The following RNF157 variants were observed in gnomAD, a reference collection of about 807,000 sequenced individuals.
RNF157 encodes the protein ring finger protein 157, also known as E3 ubiquitin ligase RNF157.
In RNF157, 55 loss-of-function variants were observed where a neutral mutation model predicts 88.3. The ratio of observed to expected loss-of-function variants is 0.62; its 90% CI spans 0.50 to 0.78. The LOEUF (loss-of-function observed/expected upper bound fraction) is 0.78. RNF157 is among the 30% of genes least tolerant of loss of function. RNF157 has a pLI of 0.00. For synonymous variants in RNF157, 334 were observed against 341.2 expected (o/e 0.98, Z 0.23); for missense variants, 788 against 860.8 (o/e 0.92, Z 1.06).
In RNF157 at chr17:76,158,230, A is replaced by C. The variant is rs113777862; in HGVS notation, c.1413+163T>G. ...CTGGCAAATAATACAGGCTGCATACACTGTTGAATGCATGAATCCAGTGAA... is the reference window on the plus strand; with the variant it reads ...CTGGCAAATAATACAGGCTGCATACCCTGTTGAATGCATGAATCCAGTGAA... On this transcript the variant is annotated intron_variant, in intron 13 of 18. Transcript: ENST00000269391. Among the ~76,000 whole-genome samples the C allele has an allele frequency of 7.3e-3, 1,106 of 152,254 alleles. 14 individuals carry two copies. Among genetic ancestry groups the C allele is most frequent in the African/African-American group, 0.025 (1,052 of 41,532 alleles).
intron 2 of RNF157, among the ~76,000 whole-genome samples, chr17:76,204,519 T>C (rs2069644053): frequency 6.6e-6 from 1 of 152,238 alleles, no homozygotes; most frequent in South Asian, 2.1e-4. Flanking sequence ...ATGTGACTCA[T>C]AAATACTTGT....
intron 1 of RNF157, among the ~76,000 whole-genome samples, chr17:76,238,061 G>A (rs934390108): frequency 4.0e-5 from 6 of 151,064 alleles, no homozygotes; most frequent in African/African-American, 1.5e-4. Context: ...TCCAGCCTGG[G>A]CGTGACAGAG....
At chr17:76,155,205 TC>T in intron 16 of RNF157, 46 bp downstream of exon 16, 1 of 1,561,408 alleles carries the variant, frequency 6.4e-7, no homozygotes, top group Middle Eastern at 1.7e-4. Context: ...AGGCCAGCAC[TC>T]CTCTGGTTGT....
At chr17:76,196,609 G>A (rs186440872) in intron 2 of RNF157, among the ~76,000 whole-genome samples, 3 of 152,300 alleles carry the variant, frequency 2.0e-5, no homozygotes, top group East Asian at 1.9e-4. Context: ...AAGGGCCGAA[G>A]TATGTACGGG....
At chr17:76,217,701 G>A (rs547992407) in intron 1 of RNF157, among the ~76,000 whole-genome samples, 24 of 152,244 alleles carry the variant, frequency 1.6e-4, no homozygotes, top group African/African-American at 2.4e-4. Flanking sequence ...GGAGAAACAC[G>A]TCACTCACAG....
chr17:76,147,234 G>A (rs2068598836), intron 18 of RNF157: 4 of 983,392 alleles, frequency 4.1e-6, no homozygotes, highest in African/African-American at 1.8e-5. Flanking sequence ...AAAATGAGCT[G>A]TTTGTTCATT....
chr17:76,167,908 G>A (rs897119359), intron 3 of RNF157, 111 bp from the exon 4 acceptor site: 2 of 1,019,024 alleles, frequency 2.0e-6, no homozygotes, highest in Admixed American at 2.3e-5. Flanking sequence ...CATAAGCATA[G>A]GTCTACCTCT....
chr17:76,159,329 ACT>A lies in RNF157; in HGVS notation c.1304+4_1304+5del. 6.2e-7 allele frequency: 1 copy of A among 1,604,582 alleles called. No homozygotes were observed. The highest frequency in any genetic ancestry group is 8.5e-7 in the Non-Finnish European group (1 of 1,171,676). ...GGGGCAACAGTGTGGAGCACTGGCT[ACT>A]CACTTGGAGAGACTCTTTTTGAGTT... On this transcript the variant is annotated splice_donor_5th_base_variant and intron_variant, in intron 12 of 18. Coordinates refer to ENST00000269391, the MANE Select transcript of RNF157 (RefSeq NM_052916.3).
At chr17:76,165,370 C>G in intron 7 of RNF157, 132 bp downstream of exon 7, 1 of 859,854 alleles carries the variant, frequency 1.2e-6, no homozygotes, top group South Asian at 1.5e-5. Flanking sequence ...TCACTGCAAC[C>G]TCTTTCACCA....
chr17:76,217,495 G>A (rs901616126), intron 1 of RNF157, among the ~76,000 whole-genome samples: 13 of 151,830 alleles, frequency 8.6e-5, no homozygotes, highest in Non-Finnish European at 1.9e-4. Context: ...CTTTCTAGAG[G>A]GACAAATTGG....
chr17:76,211,320 C>T (rs1421899433), intron 2 of RNF157, among the ~76,000 whole-genome samples: 1 of 152,254 alleles, frequency 6.6e-6, no homozygotes, highest in East Asian at 1.9e-4. Context: ...CTTCAAAGGC[C>T]AGTTCAACTC....
intron 3 of RNF157, among the ~76,000 whole-genome samples, chr17:76,172,158 C>G (rs1213833414): frequency 6.6e-6 from 1 of 152,006 alleles, no homozygotes. Context: ...ACTTCAGGGA[C>G]AAATAAAATA....
intron 1 of RNF157, chr17:76,226,647 C>T (rs1598444362): frequency 1.2e-6 from 2 of 1,612,580 alleles, no homozygotes; most frequent in Admixed American, 1.7e-5. Context: ...CCCGCCTTAG[C>T]CTTGTCGCTG....
At chr17:76,194,821 C>T (rs9900102) in intron 2 of RNF157, among the ~76,000 whole-genome samples, 51,698 of 151,850 alleles carry the variant, frequency 0.34, 9,680 homozygotes, top group East Asian at 0.64. Context: ...CGAGACCATC[C>T]TGGCTAACAT....
rs1158011445 is a variant in RNF157, at chr17:76,146,122, A to C, written c.1922-769T>G. On this transcript the variant is annotated intron_variant, in intron 18 of 18. Coordinates refer to ENST00000269391, the MANE Select transcript of RNF157 (RefSeq NM_052916.3). This position sits in a 1 kb window ranked among gnomAD's most constrained non-coding sequence, Gnocchi z 4.2. ...TGCTTCTCTTTCCCTTGTGCTGTGG[A>C]TCCAATCCTCCACAGCCTCCTGTGG... 6.6e-6 allele frequency among the ~76,000 whole-genome samples: 1 copy of C among 151,986 alleles called. No homozygotes were observed. The highest frequency in any genetic ancestry group is 1.5e-5 in the Non-Finnish European group (1 of 67,998).
Position 76,192,398 on chromosome 17 carries a change from ATCT to A in RNF157, c.208-18611_208-18609del, listed in dbSNP as rs1442076830. On this transcript the variant is annotated intron_variant, in intron 2 of 18. Transcript: ENST00000269391. ...TTATAGCTATGTATGTCCAAGTCTG[ATCT>A]TCTCCATGAAATTATAAACTTGAGG... is the stretch of plus-strand genomic sequence containing the variant. Among the ~76,000 whole-genome samples the A allele has an allele frequency of 3.3e-5, 5 of 152,160 alleles. No homozygotes were observed. The East Asian group carries it at 9.6e-4, about 29-fold the overall frequency.
At chr17:76,218,891 ACCACGGCACTCCAG>A (rs2069935082) in intron 1 of RNF157, among the ~76,000 whole-genome samples, 1 of 152,028 alleles carries the variant, frequency 6.6e-6, no homozygotes, top group South Asian at 2.1e-4. Flanking sequence ...CCAAGATCAC[ACCACGGCACTCCAG>A]CCTGGGTGAC....
rs375470131 is a variant in RNF157, at chr17:76,173,757, C to A, written c.241G>T (p.Val81Leu). Reference sequence around the variant, plus strand: ...TTGACCAGGCTTCTCAGAGTCTTCACGGGTTCTTGGGGAGGTGGGGCGGCG... The same window carrying A: ...TTGACCAGGCTTCTCAGAGTCTTCAAGGGTTCTTGGGGAGGTGGGGCGGCG... ...PYAAPPPQEP[V>L]KTLRSLVNIR... Residue 81 changes from valine to leucine, a missense_variant, in exon 3 of 19, where the codon GTG (valine) becomes TTG (leucine). By Grantham distance (32) the Val-to-Leu change is conservative. Transcript: ENST00000269391. 7 of 1,610,908 alleles carry A rather than the reference C, an allele frequency of 4.3e-6. No homozygotes were observed. In the South Asian group the frequency reaches 5.5e-5, roughly 13 times the overall value.
chr17:76,158,269 C>T (rs543129407), intron 13 of RNF157, 124 bp downstream of exon 13: 127 of 708,642 alleles, frequency 1.8e-4, no homozygotes, highest in Admixed American at 1.1e-3. Context: ...TTTGCCACTG[C>T]CTCAGAGGGT....
Sources: allele counts gnomAD v4.1 joint callset (sites outside exome capture counted in the v4.1 genomes callset), GRCh38; gene constraint gnomAD v4.1.1; non-coding constraint Gnocchi (gnomAD v3.1); transcripts MANE v1.5; gene names NCBI Gene and HGNC (gene_info 2026-07-23, HGNC 2026-07-21).